The following KCNQ1 variants were observed in gnomAD, a reference collection of about 807,000 sequenced individuals.
KCNQ1 encodes the protein potassium voltage-gated channel subfamily Q member 1.
KCNQ1 carries 49 observed loss-of-function variants against 72.4 expected under a neutral mutation model. The ratio of observed to expected loss-of-function variants is 0.68; its 90% confidence interval spans 0.54 to 0.86. The LOEUF (loss-of-function observed/expected upper bound fraction) is 0.86. KCNQ1 is among the 40% of genes least tolerant of loss of function. KCNQ1 has a pLI of 0.00. For synonymous variants in KCNQ1, 450 were observed against 412.6 expected (o/e 1.09, Z -1.10); for missense variants, 790 against 945.1 (o/e 0.84, Z 2.15).
chr11:2,726,433 G>C (rs1845765369), intron 11 of KCNQ1, among the ~76,000 whole-genome samples: 1 of 152,154 alleles, frequency 6.6e-6, no homozygotes, highest in Admixed American at 6.5e-5. Flanking sequence ...CACAGACACA[G>C]CTCAGGAGAT....
chr11:2,778,661 A>G (rs1450136141), intron 15 of KCNQ1, among the ~76,000 whole-genome samples: 1 of 152,096 alleles, frequency 6.6e-6, no homozygotes, highest in Non-Finnish European at 1.5e-5. Context: ...TCTCGGGCCC[A>G]TGGCTGAGCC....
intron 15 of KCNQ1, among the ~76,000 whole-genome samples, chr11:2,833,973 C>A (rs1346259289): frequency 6.6e-6 from 1 of 152,242 alleles, no homozygotes; most frequent in African/African-American, 2.4e-5. Flanking sequence ...AGGCTGTCAG[C>A]AGGGGCTGGG....
At chr11:2,469,584 T>C (rs1290080571) in intron 1 of KCNQ1, among the ~76,000 whole-genome samples, 1 of 151,752 alleles carries the variant, frequency 6.6e-6, no homozygotes, top group Non-Finnish European at 1.5e-5. Context: ...ATGTTACATG[T>C]TTCTATATTC....
rs1051016360 is a variant in KCNQ1 at position 2,826,015 on chromosome 11, G to A, written c.1795-21752G>A. Among the ~76,000 whole-genome samples, 3 of 152,150 alleles carry A rather than the reference G, an allele frequency of 2.0e-5. No homozygotes were observed. The highest frequency in any genetic ancestry group is 1.9e-4 in the East Asian group (1 of 5,158). ...CTCTCCCCGAGGCCTCGTCCTCCCC[G>A]CCATCCTGGAAACGATTTTGTTGTC... On this transcript the variant is annotated intron_variant, in intron 15 of 15. Transcript: ENST00000155840. The surrounding 1 kb of genome is among the most constrained non-coding windows in gnomAD (Gnocchi z 4.2).
At chr11:2,689,140 A>G (rs887568157) in intron 11 of KCNQ1, 2 of 398,592 alleles carry the variant, frequency 5.0e-6, no homozygotes, top group Admixed American at 4.4e-5. Context: ...TGAGACCCTA[A>G]GGAGAGCTAC....
intron 11 of KCNQ1, among the ~76,000 whole-genome samples, chr11:2,737,860 C>T (rs231880): frequency 0.3 from 45,368 of 152,008 alleles, 7,008 homozygotes; most frequent in Middle Eastern, 0.36. Flanking sequence ...GGATGTGAGG[C>T]GGTCATAATA....
rs533037738 is a variant in KCNQ1 at position 2,526,887 on chromosome 11, G to T, written c.387-1041G>T. ...GAGGATCTATGCCGGGGCCCCCAGGGTCTGTGTGTGGCTTTCTCTGTTTGT... is the reference window on the plus strand; with the variant it reads ...GAGGATCTATGCCGGGGCCCCCAGGTTCTGTGTGTGGCTTTCTCTGTTTGT... On this transcript the variant is annotated intron_variant, in intron 1 of 15. Coordinates refer to ENST00000155840, the MANE Select transcript of KCNQ1 (RefSeq NM_000218.3). This position sits in a 1 kb window ranked among gnomAD's most constrained non-coding sequence, Gnocchi z 6.1. Among the ~76,000 whole-genome samples the T allele has an allele frequency of 7.9e-5, 12 of 152,224 alleles. No individual in the cohort carries two copies. The South Asian group carries it at 2.5e-3, about 32-fold the overall frequency.
Position 2,690,895 on chromosome 11 carries a change from G to A in KCNQ1, c.1514+28814G>A, listed in dbSNP as rs887661634. ...GAGTGTAAGCCACTGTTTCCGTCTGGGTTTTGTCATGTGTAGGTCCCAGCG... is the reference window on the plus strand; with the variant it reads ...GAGTGTAAGCCACTGTTTCCGTCTGAGTTTTGTCATGTGTAGGTCCCAGCG... On this transcript the variant is annotated intron_variant, in intron 11 of 15. Transcript: ENST00000155840. The surrounding 1 kb of genome is among the most constrained non-coding windows in gnomAD (Gnocchi z 5.1). The A allele has an allele frequency of 1.5e-5, 6 of 398,514 alleles. No homozygotes were observed. The highest frequency in any genetic ancestry group is 1.2e-4 in the African/African-American group (6 of 48,628). 24.7% of individuals were successfully genotyped at this position (398,514 alleles called of 1,614,324 possible).
intron 11 of KCNQ1, among the ~76,000 whole-genome samples, chr11:2,756,443 A>T (rs894659526): frequency 6.4e-4 from 30 of 47,070 alleles, no homozygotes; most frequent in African/African-American, 3.7e-3. Flanking sequence ...ACTAAAATTA[A>T]AAAAAAAAAA....
Position 2,526,799 on chromosome 11 carries a change from A to G in KCNQ1, c.387-1129A>G, listed in dbSNP as rs1165446388. Among the ~76,000 whole-genome samples, 1 of 151,930 alleles carries G rather than the reference A, an allele frequency of 6.6e-6. No homozygotes were observed. Among genetic ancestry groups the G allele is most frequent in the African/African-American group, 2.4e-5 (1 of 41,328 alleles). ...TTCTGGCTGTCCTGGGGTGGGTTAGAAGCCACTCAGGATGGCAGGATCTCA... is the reference window on the plus strand; with the variant it reads ...TTCTGGCTGTCCTGGGGTGGGTTAGGAGCCACTCAGGATGGCAGGATCTCA... On this transcript the variant is annotated intron_variant, in intron 1 of 15. Coordinates refer to ENST00000155840, the MANE Select transcript of KCNQ1 (RefSeq NM_000218.3). The surrounding 1 kb of genome is among the most constrained non-coding windows in gnomAD (Gnocchi z 6.1).
Position 2,659,022 on chromosome 11 carries a change from C to G in KCNQ1, c.1394-2939C>G. On this transcript the variant is annotated intron_variant, in intron 10 of 15. Transcript: ENST00000155840. This position sits in a 1 kb window ranked among gnomAD's most constrained non-coding sequence, Gnocchi z 4.3. ...AAGCAACATATGCCAGCTCCTCCTCCTCCTTTCCTTTCACTGCTATGTCAT... is the reference window on the plus strand; with the variant it reads ...AAGCAACATATGCCAGCTCCTCCTCGTCCTTTCCTTTCACTGCTATGTCAT... The G allele has an allele frequency of 2.5e-6, 1 of 398,620 alleles. No individual in the cohort carries two copies. The highest frequency in any genetic ancestry group is 4.4e-6 in the Non-Finnish European group (1 of 226,068). 24.7% of individuals were successfully genotyped at this position (398,620 alleles called of 1,614,324 possible). A position where few individuals can be genotyped will look rare whatever the true frequency, so the allele number is the denominator to read the frequency against.
At chr11:2,696,561 A>G (rs1850680052) in intron 11 of KCNQ1, 2 of 398,530 alleles carry the variant, frequency 5.0e-6, no homozygotes, top group Non-Finnish European at 8.8e-6. Context: ...TTTCTTCCAC[A>G]TACATTTTAG....
rs1850187528 is a variant in KCNQ1 at position 2,671,764 on chromosome 11, T to G, written c.1514+9683T>G. On this transcript the variant is annotated intron_variant, in intron 11 of 15. Transcript: ENST00000155840. This position sits in a 1 kb window ranked among gnomAD's most constrained non-coding sequence, Gnocchi z 4.7. ...AAGGAGCTACATACACATACATGCA[T>G]GCACATAATCATTCTGACCCAGTCA... is the stretch of plus-strand genomic sequence containing the variant. 1 of 398,598 alleles carries G rather than the reference T, an allele frequency of 2.5e-6. No homozygotes were observed. The highest frequency in any genetic ancestry group is 1.3e-4 in the South Asian group (1 of 7,866). 24.7% of individuals were successfully genotyped at this position (398,598 alleles called of 1,614,324 possible).
intron 11 of KCNQ1, chr11:2,697,829 T>G: frequency 2.5e-6 from 1 of 398,660 alleles, no homozygotes; most frequent in Non-Finnish European, 4.4e-6. Flanking sequence ...ATAGTTTTCT[T>G]GTGCTTTCTA....
rs1846363326 is a variant in KCNQ1, at chr11:2,759,967, G to A, written c.1515-8877G>A. 6.6e-6 allele frequency among the ~76,000 whole-genome samples: 1 copy of A among 152,224 alleles called. No individual in the cohort carries two copies. Among genetic ancestry groups the A allele is most frequent in the Non-Finnish European group, 1.5e-5 (1 of 68,028 alleles). ...CTGCCTGGATGGAGGCCAGGCCGCT[G>A]AGCTGCTGGGAATCTGTTCCACAGG... On this transcript the variant is annotated intron_variant, in intron 11 of 15. Coordinates refer to ENST00000155840, the MANE Select transcript of KCNQ1 (RefSeq NM_000218.3). The surrounding 1 kb of genome is among the most constrained non-coding windows in gnomAD (Gnocchi z 4.4).
At chr11:2,561,931 G>T (rs540541871) in intron 2 of KCNQ1, among the ~76,000 whole-genome samples, 1 of 152,226 alleles carries the variant, frequency 6.6e-6, no homozygotes, top group African/African-American at 2.4e-5. Flanking sequence ...CGTTCCATGG[G>T]GCCTGGGGAA....
chr11:2,703,510 C>T lies in KCNQ1; in HGVS notation c.1514+41429C>T, dbSNP rs1273804768. Among the ~76,000 whole-genome samples the T allele has an allele frequency of 2.0e-5, 3 of 152,202 alleles. No individual in the cohort carries two copies. Among genetic ancestry groups the T allele is most frequent in the South Asian group, 2.1e-4 (1 of 4,824 alleles). On this transcript the variant is annotated intron_variant, in intron 11 of 15. Transcript: ENST00000155840. The surrounding 1 kb of genome is among the most constrained non-coding windows in gnomAD (Gnocchi z 6.4). ...GAGAGCACGCACGCACACACGCACT[C>T]ACAGCTGAAGAGAATTAGGCTCAAA... is the stretch of plus-strand genomic sequence containing the variant.
intron 15 of KCNQ1, among the ~76,000 whole-genome samples, chr11:2,788,278 C>T (rs1377222418): frequency 6.6e-6 from 1 of 152,186 alleles, no homozygotes; most frequent in Non-Finnish European, 1.5e-5. Context: ...CCCCGAGGTC[C>T]CTAAGGAATG....
chr11:2,448,864 C>T (rs766860800), intron 1 of KCNQ1, among the ~76,000 whole-genome samples: 3 of 152,202 alleles, frequency 2.0e-5, no homozygotes, highest in Non-Finnish European at 2.9e-5. Context: ...GCCAACATGT[C>T]GAGTGCCTAA....
Sources: allele counts gnomAD v4.1 joint callset (sites outside exome capture counted in the v4.1 genomes callset), GRCh38; gene constraint gnomAD v4.1.1; non-coding constraint Gnocchi (gnomAD v3.1); transcripts MANE v1.5; gene names NCBI Gene and HGNC (gene_info 2026-07-23, HGNC 2026-07-21).